The following SMYD3 variants were observed in gnomAD, a reference collection of about 807,000 sequenced individuals.
SMYD3 encodes the protein SET and MYND domain containing 3, also known as histone-lysine N-methyltransferase SMYD3.
In SMYD3, 36 loss-of-function variants were observed where a neutral mutation model predicts 57.7. That is an observed-to-expected ratio of 0.62 (90% CI 0.48 to 0.82). The LOEUF is 0.82. Ranked by LOEUF, SMYD3 falls within the 40% of genes least tolerant of loss-of-function variation. SMYD3 has a pLI of 0.00. For synonymous variants in SMYD3, 211 were observed against 195.0 expected, an observed-to-expected ratio of 1.08 and a Z score of -0.68; for missense variants, 515 against 538.8, an observed-to-expected ratio of 0.96 and a Z score of 0.44.
At chr1:246,364,626 C>G (rs757089567) in intron 1 of SMYD3, among the ~76,000 whole-genome samples, 1 of 152,152 alleles carries the variant, frequency 6.6e-6, no homozygotes. Context: ...TATAGAGAAT[C>G]AGAACTTGAA....
Position 246,056,480 on chromosome 1 carries a change from C to A in SMYD3, c.532-126543G>T, listed in dbSNP as rs542318823. 2.0e-5 allele frequency among the ~76,000 whole-genome samples: 3 copies of A among 152,006 alleles called. No individual in the cohort carries two copies. In the East Asian group the frequency reaches 5.8e-4, roughly 29 times the overall value. Reference sequence around the variant, plus strand: ...TATGAAGTCGTTTATCCAGGTCACACGAGATTAAGTGGCAAAGCTCAGTTT... The same window carrying A: ...TATGAAGTCGTTTATCCAGGTCACAAGAGATTAAGTGGCAAAGCTCAGTTT... On this transcript the variant is annotated intron_variant, in intron 5 of 11. Transcript: ENST00000490107.
chr1:245,888,169 G>A (rs965727398), intron 8 of SMYD3, among the ~76,000 whole-genome samples: 1 of 152,124 alleles, frequency 6.6e-6, no homozygotes, highest in Admixed American at 6.6e-5. Context: ...CACCCAAGTG[G>A]GTTGTAAAAG....
chr1:246,138,738 T>TA (rs2061705470), intron 5 of SMYD3, among the ~76,000 whole-genome samples: 1 of 152,042 alleles, frequency 6.6e-6, no homozygotes, highest in African/African-American at 2.4e-5. Flanking sequence ...AATTTATTTT[T>TA]AAAAAAAGTT....
Position 245,749,458 on chromosome 1 carries a change from A to G in SMYD3, c.*105T>C, listed in dbSNP as rs1024488001. 9 of 831,324 alleles carry G rather than the reference A, an allele frequency of 1.1e-5. No individual in the cohort carries two copies. The African/African-American group carries it at 1.5e-4, about 14-fold the overall frequency. 51.5% of individuals were successfully genotyped at this position (831,324 alleles called of 1,614,324 possible). Reference sequence around the variant, plus strand: ...TTTACCTACACAAACACGGAACAGAATTTCCAATAGGAGAGGTTCACACAG... The same window carrying G: ...TTTACCTACACAAACACGGAACAGAGTTTCCAATAGGAGAGGTTCACACAG... On this transcript the variant is annotated 3_prime_UTR_variant, in exon 12 of 12. Coordinates refer to ENST00000490107, the MANE Select transcript of SMYD3 (RefSeq NM_001167740.2).
intron 5 of SMYD3, among the ~76,000 whole-genome samples, chr1:246,279,683 G>A (rs1157890642): frequency 6.6e-6 from 1 of 152,200 alleles, no homozygotes; most frequent in East Asian, 1.9e-4. Context: ...ATTGAACAGG[G>A]AAGAATAGAG....
intron 5 of SMYD3, among the ~76,000 whole-genome samples, chr1:246,064,898 C>T (rs979711726): frequency 6.6e-6 from 1 of 152,190 alleles, no homozygotes; most frequent in African/African-American, 2.4e-5. Context: ...TTCCTGTGAC[C>T]GTGTAGGTCT....
chr1:246,164,411 C>T (rs187184211), intron 5 of SMYD3, among the ~76,000 whole-genome samples: 1 of 152,266 alleles, frequency 6.6e-6, no homozygotes, highest in East Asian at 1.9e-4. Context: ...CAGAGCGAGA[C>T]TCCGTCTCAA....
chr1:246,174,591 C>T (rs948683458), intron 5 of SMYD3, among the ~76,000 whole-genome samples: 1 of 152,194 alleles, frequency 6.6e-6, no homozygotes, highest in African/African-American at 2.4e-5. Flanking sequence ...GGACTACAGG[C>T]ACATGCCACC....
At chr1:245,789,233 A>C (rs145018091) in intron 10 of SMYD3, among the ~76,000 whole-genome samples, 1 of 152,140 alleles carries the variant, frequency 6.6e-6, no homozygotes, top group Non-Finnish European at 1.5e-5. Flanking sequence ...TTTCAGAGAG[A>C]CTTTCATAGG....
chr1:246,303,426 A>G (rs2064927353), intron 5 of SMYD3, among the ~76,000 whole-genome samples: 1 of 152,182 alleles, frequency 6.6e-6, no homozygotes, highest in South Asian at 2.1e-4. Context: ...CCCTTAGATT[A>G]CATGGCATAC....
chr1:246,143,158 CACACACAA>C (rs542572885), intron 5 of SMYD3, among the ~76,000 whole-genome samples: 3,058 of 145,228 alleles, frequency 0.021, 116 homozygotes, highest in East Asian at 0.15. Flanking sequence ...CACACACACA[CACACACAA>C]ACATGCATCC....
intron 5 of SMYD3, among the ~76,000 whole-genome samples, chr1:246,102,826 A>G (rs1416059193): frequency 6.6e-6 from 1 of 152,198 alleles, no homozygotes; most frequent in African/African-American, 2.4e-5. Context: ...TTAAAGCAGC[A>G]GTGAGCTATG....
intron 10 of SMYD3, 106 bp from the exon 11 acceptor site, chr1:245,764,255 A>C (rs1233472306): frequency 1.4e-6 from 1 of 722,882 alleles, no homozygotes. Context: ...GTGAATGTTA[A>C]TGAGCTACTG....
intron 5 of SMYD3, among the ~76,000 whole-genome samples, chr1:246,282,434 G>A (rs910538298): frequency 6.6e-5 from 10 of 151,294 alleles, no homozygotes; most frequent in African/African-American, 1.9e-4. Context: ...AGGAGGTCGG[G>A]GCTGCAGTGA....
In SMYD3 at chr1:245,994,002, C is replaced by T. The variant is rs75961246; in HGVS notation, c.532-64065G>A. ...AATGGAAAATCCCCATGGTTAATCG[C>T]TTTAGATGCATAGAAAATCGTTCCG... On this transcript the variant is annotated intron_variant, in intron 5 of 11. Transcript: ENST00000490107. 9.4e-3 allele frequency among the ~76,000 whole-genome samples: 1,425 copies of T among 152,272 alleles called. 18 individuals carry two copies. The highest frequency in any genetic ancestry group is 0.032 in the African/African-American group (1,313 of 41,536).
At chr1:245,891,921 C>T (rs2053408395) in intron 8 of SMYD3, among the ~76,000 whole-genome samples, 1 of 152,178 alleles carries the variant, frequency 6.6e-6, no homozygotes, top group African/African-American at 2.4e-5. Flanking sequence ...TGGCACACGC[C>T]TGTAGCCCCA....
chr1:246,405,281 C>T (rs1217478710), intron 1 of SMYD3, among the ~76,000 whole-genome samples: 1 of 152,116 alleles, frequency 6.6e-6, no homozygotes, highest in Non-Finnish European at 1.5e-5. Flanking sequence ...CACGTATACA[C>T]AATGTGTAAT....
intron 5 of SMYD3, among the ~76,000 whole-genome samples, chr1:246,198,012 CCTGT>C (rs1393283625): frequency 3.9e-5 from 6 of 152,038 alleles, no homozygotes; most frequent in South Asian, 2.1e-4. Context: ...ATCCCGTTCC[CCTGT>C]CTAAGTTGAT....
chr1:245,936,406 G>T (rs974214601), intron 5 of SMYD3, among the ~76,000 whole-genome samples: 2 of 151,342 alleles, frequency 1.3e-5, no homozygotes, highest in African/African-American at 4.8e-5. Flanking sequence ...AAAGTCCCCA[G>T]TGTGTGATTT....
Sources: gnomAD v4.1 joint callset for allele counts (sites outside exome capture counted in the v4.1 genomes callset) on GRCh38, gnomAD v4.1.1 for gene constraint, MANE v1.5 for transcripts, NCBI Gene and HGNC (gene_info 2026-07-23, HGNC 2026-07-21) for gene names.